CSMD1: variants seen among roughly 807,000 people sequenced by gnomAD.
CSMD1 encodes CUB and Sushi multiple domains 1.
In CSMD1, 213 loss-of-function variants were observed where a neutral mutation model predicts 417.5. The observed-to-expected ratio is 0.51, with a 90% CI of 0.46 to 0.57. The LOEUF (loss-of-function observed/expected upper bound fraction) is 0.57. Ranked by LOEUF, CSMD1 falls within the 20% of genes least tolerant of loss-of-function variation. CSMD1 has a pLI of 0.00. For synonymous variants in CSMD1, 2,862 were observed against 1,736.8 expected (o/e 1.65, Z -16.11); for missense variants, 6,923 against 4,529.7 (o/e 1.53, Z -15.17).
At chr8:3,248,568 C>T (rs1450370590) in intron 26 of CSMD1, among the ~76,000 whole-genome samples, 4 of 123,754 alleles carry the variant, frequency 3.2e-5, no homozygotes, top group South Asian at 2.7e-4. Context: ...CTCGCTCTGT[C>T]GCCCAGCCTG....
chr8:3,631,571 C>A (rs752373469), intron 7 of CSMD1, among the ~76,000 whole-genome samples: 16 of 152,138 alleles, frequency 1.1e-4, no homozygotes, highest in Non-Finnish European at 2.1e-4. Flanking sequence ...TTTGAAATGA[C>A]GCTAAGAAGC....
chr8:4,294,299 T>A lies in CSMD1; in HGVS notation c.415+125654A>T, dbSNP rs908077734. Among the ~76,000 whole-genome samples, 7 of 152,168 alleles carry A rather than the reference T, an allele frequency of 4.6e-5. No individual in the cohort carries two copies. In the South Asian group the frequency reaches 1.0e-3, roughly 23 times the overall value. ...TGAATAAAGGCTTCGGTGCTTCATA[T>A]CCTTTTAATAAATAATACGTGCACT... On this transcript the variant is annotated intron_variant, in intron 3 of 69. Coordinates refer to ENST00000635120, the MANE Select transcript of CSMD1 (RefSeq NM_033225.6).
intron 7 of CSMD1, among the ~76,000 whole-genome samples, chr8:3,623,434 C>T (rs1021388523): frequency 1.3e-5 from 2 of 152,110 alleles, no homozygotes; most frequent in Non-Finnish European, 2.9e-5. Flanking sequence ...TAAGCAACGA[C>T]ATCTATGACA....
chr8:3,505,694 C>T (rs574049637), intron 10 of CSMD1, among the ~76,000 whole-genome samples: 25 of 152,164 alleles, frequency 1.6e-4, no homozygotes, highest in Non-Finnish European at 2.5e-4. Flanking sequence ...AGGTACTGGA[C>T]CAACAACACT....
intron 5 of CSMD1, among the ~76,000 whole-genome samples, chr8:3,969,310 G>C (rs1812913965): frequency 6.6e-6 from 1 of 152,144 alleles, no homozygotes; most frequent in African/African-American, 2.4e-5. Flanking sequence ...TGGAGAAAGG[G>C]CTTCCCAGGC....
intron 1 of CSMD1, among the ~76,000 whole-genome samples, chr8:4,671,304 C>T (rs928981553): frequency 2.6e-5 from 4 of 152,168 alleles, no homozygotes; most frequent in Non-Finnish European, 5.9e-5. Flanking sequence ...GAAACGCTAA[C>T]ATGGCAATTC....
chr8:3,523,006 T>TATACACACACAC (rs1554453429), intron 10 of CSMD1, among the ~76,000 whole-genome samples: 1 of 113,334 alleles, frequency 8.8e-6, no homozygotes, highest in African/African-American at 3.6e-5. Flanking sequence ...GATACATATA[T>TATACACACACAC]ACACACACCC....
At chr8:4,789,178 T>C (rs1393315192) in intron 1 of CSMD1, among the ~76,000 whole-genome samples, 1 of 152,362 alleles carries the variant, frequency 6.6e-6, no homozygotes, top group Admixed American at 6.5e-5. Context: ...ATGAATGCTT[T>C]GTGCTTAGAA....
chr8:3,113,785 G>A (rs143200414), intron 42 of CSMD1, among the ~76,000 whole-genome samples: 3 of 152,214 alleles, frequency 2.0e-5, no homozygotes, highest in Non-Finnish European at 4.4e-5. Flanking sequence ...AATCAACTGG[G>A]GGGTTGGCAC....
chr8:3,965,667 G>C (rs1463699857), intron 5 of CSMD1, among the ~76,000 whole-genome samples: 2 of 151,880 alleles, frequency 1.3e-5, no homozygotes, highest in African/African-American at 4.8e-5. Flanking sequence ...GCCCAGGCTG[G>C]AGTGCAATGG....
chr8:3,830,638 G>T (rs369710523), intron 5 of CSMD1, among the ~76,000 whole-genome samples: 20 of 152,046 alleles, frequency 1.3e-4, no homozygotes, highest in Non-Finnish European at 2.6e-4. Flanking sequence ...CTCTGCCATG[G>T]CCAATATCAA....
intron 3 of CSMD1, among the ~76,000 whole-genome samples, chr8:4,231,735 C>T (rs1220935563): frequency 6.6e-6 from 1 of 152,102 alleles, no homozygotes; most frequent in East Asian, 1.9e-4. Context: ...TAGTGATGGA[C>T]CATGGAAAAA....
At chr8:3,240,959 A>C (rs1321905335) in intron 26 of CSMD1, among the ~76,000 whole-genome samples, 3 of 151,790 alleles carry the variant, frequency 2.0e-5, no homozygotes, top group Admixed American at 6.6e-5. Context: ...GGGATGGGAT[A>C]TTGGCATTGA....
At chr8:4,185,275 C>T (rs2131191646) in intron 3 of CSMD1, among the ~76,000 whole-genome samples, 1 of 151,950 alleles carries the variant, frequency 6.6e-6, no homozygotes, top group East Asian at 1.9e-4. Context: ...TCGTCATGAT[C>T]TTGGGCAAAT....
At chr8:4,595,368 C>A (rs1158029120) in intron 2 of CSMD1, among the ~76,000 whole-genome samples, 2 of 151,934 alleles carry the variant, frequency 1.3e-5, no homozygotes, top group Non-Finnish European at 2.9e-5. Flanking sequence ...ATTCATTTGT[C>A]TATTGATGCA....
At chr8:4,073,289 G>T (rs143829839) in intron 3 of CSMD1, among the ~76,000 whole-genome samples, 1 of 152,154 alleles carries the variant, frequency 6.6e-6, no homozygotes, top group Non-Finnish European at 1.5e-5. Context: ...TGAAAGAAGA[G>T]AGTAAAGAAA....
chr8:3,957,996 T>C (rs1451681950), intron 5 of CSMD1, among the ~76,000 whole-genome samples: 1 of 152,156 alleles, frequency 6.6e-6, no homozygotes, highest in Non-Finnish European at 1.5e-5. Context: ...TTGCTTAACG[T>C]TCTAGATTAA....
intron 15 of CSMD1, among the ~76,000 whole-genome samples, chr8:3,403,728 A>C (rs564683619): frequency 6.6e-6 from 1 of 152,320 alleles, no homozygotes; most frequent in East Asian, 1.9e-4. Flanking sequence ...AAGTCAGTGA[A>C]ATATGCTTGG....
At chr8:4,966,394 A>C (rs961445726) in intron 1 of CSMD1, among the ~76,000 whole-genome samples, 4 of 151,978 alleles carry the variant, frequency 2.6e-5, no homozygotes, top group Non-Finnish European at 4.4e-5. Flanking sequence ...AAAAAACAAC[A>C]ACAAAAAAAG....
Sources: allele counts gnomAD v4.1 joint callset (sites outside exome capture counted in the v4.1 genomes callset), GRCh38; gene constraint gnomAD v4.1.1; transcripts MANE v1.5; gene names NCBI Gene and HGNC (gene_info 2026-07-23, HGNC 2026-07-21).